The following TNMD variants were observed in gnomAD, a reference collection of about 807,000 sequenced individuals.
The protein encoded by TNMD is tenomodulin, also known as BRICHOS domain containing 4.
Under a neutral mutation model 26.9 loss-of-function variants are expected in TNMD, and 15 were observed. The observed-to-expected ratio is 0.56, with a 90% CI of 0.37 to 0.86. The LOEUF is 0.86. TNMD is among the 40% of genes least tolerant of loss of function. TNMD has a pLI of 0.00. For missense variants in TNMD, 222 were observed against 242.6 expected, an observed-to-expected ratio of 0.92 and a Z score of 0.56; for synonymous variants, 73 against 77.0, an observed-to-expected ratio of 0.95 and a Z score of 0.27.
In TNMD at chrX:100,595,585, G is replaced by A. The variant is rs112331460; in HGVS notation, c.423+1223G>A. ...TTTTTCTTTACCTTTTTCTTTATTTGGGGGCGGTGGGTGGGGAGGACTATT... is the reference window on the plus strand; with the variant it reads ...TTTTTCTTTACCTTTTTCTTTATTTAGGGGCGGTGGGTGGGGAGGACTATT... On this transcript the variant is annotated intron_variant, in intron 4 of 6. Coordinates refer to ENST00000373031, the MANE Select transcript of TNMD (RefSeq NM_022144.3). Among the ~76,000 whole-genome samples, 164 of 109,138 alleles carry A rather than the reference G, an allele frequency of 1.5e-3. 1 individual carries two copies. Among genetic ancestry groups the A allele is most frequent in the African/African-American group, 5.3e-3 (157 of 29,831 alleles). 94.8% of individuals were successfully genotyped at this position (109,138 alleles called of 115,157 possible).
intron 4 of TNMD, 31 bp from the exon 5 acceptor site, chrX:100,597,473 A>G (rs1387680234): frequency 1.7e-6 from 2 of 1,205,914 alleles, no homozygotes; most frequent in Non-Finnish European, 2.2e-6. Context: ...TTCTCTGCCA[A>G]TCCCTACCCT....
At chrX:100,598,966 A>T (rs773139495) in intron 5 of TNMD, 50 bp from the exon 6 acceptor site, 15 of 1,075,711 alleles carry the variant, frequency 1.4e-5, no homozygotes, top group Non-Finnish European at 1.9e-5. Context: ...CACTTCTTTC[A>T]GGAACATTTG....
intron 2 of TNMD, among the ~76,000 whole-genome samples, chrX:100,589,166 T>C (rs1438699727): frequency 9.0e-6 from 1 of 111,097 alleles, no homozygotes; most frequent in African/African-American, 3.3e-5. Context: ...ATTAACTTTT[T>C]TCGCTCCTCT....
intron 2 of TNMD, chrX:100,593,513 T>A: frequency 2.9e-6 from 1 of 340,869 alleles, no homozygotes; most frequent in Non-Finnish European, 3.8e-6. Flanking sequence ...AAAAAACACT[T>A]AACCATTTTA....
chrX:100,589,428 A>G (rs1387437917), intron 2 of TNMD, among the ~76,000 whole-genome samples: 1 of 108,798 alleles, frequency 9.2e-6, no homozygotes, highest in Non-Finnish European at 1.9e-5. Flanking sequence ...ACCCAGGTCC[A>G]CCCTTGTACA....
At position 100,585,265 on chromosome X, in the gene TNMD, C is replaced by T. The variant is rs2082918760; in HGVS notation, c.83C>T (p.Ser28Leu). ...TTTAAATCCAAGAAAATATGTAAAT[C>T]ACTTAAGATTTGTGGACTGGTGTTT... ...EAFKSKKICK[S>L]LKICGLVFGI... is the part of the protein sequence containing the mutation. The change falls in exon 2 of 7, where the codon TCA becomes TTA. Residue 28 changes from serine (S) to leucine (L), a missense_variant. Physicochemically the swap from Ser to Leu is moderately radical, Grantham distance 145. Coordinates refer to ENST00000373031, the MANE Select transcript of TNMD (RefSeq NM_022144.3). 8.3e-7 allele frequency: 1 copy of T among 1,208,046 alleles called. No individual in the cohort carries two copies. The highest frequency in any genetic ancestry group is 1.1e-6 in the Non-Finnish European group (1 of 893,820).
chrX:100,590,109 C>T (rs752990885), intron 2 of TNMD, among the ~76,000 whole-genome samples: 18 of 112,299 alleles, frequency 1.6e-4, no homozygotes, highest in African/African-American at 4.9e-4. Context: ...TCTGTCTGCT[C>T]TGTGTTGGTA....
intron 2 of TNMD, among the ~76,000 whole-genome samples, chrX:100,590,591 C>G (rs1021642794): frequency 3.6e-5 from 4 of 112,120 alleles, no homozygotes; most frequent in Non-Finnish European, 5.6e-5. Flanking sequence ...GTTGTGTCCT[C>G]TACATATTTT....
chrX:100,597,494 C>A lies in TNMD; in HGVS notation c.424-10C>A, dbSNP rs747423279. The stretch of plus-strand genomic sequence containing the variant: ...GCCAATCCCTACCCTAAGCTACTTT[C>A]TTCTTTCAGAATGAAGAAATTACCA... On this transcript the variant is annotated splice_polypyrimidine_tract_variant and intron_variant, in intron 4 of 6. Transcript: ENST00000373031. 6 of 1,209,366 alleles carry A rather than the reference C, an allele frequency of 5.0e-6. No homozygotes were observed. Among genetic ancestry groups the A allele is most frequent in the Non-Finnish European group, 6.7e-6 (6 of 894,784 alleles).
chrX:100,590,984 G>A (rs2082935685), intron 2 of TNMD, among the ~76,000 whole-genome samples: 1 of 111,647 alleles, frequency 9.0e-6, no homozygotes, highest in African/African-American at 3.3e-5. Context: ...ATATCTAAGT[G>A]TGAAATCATG....
At chrX:100,594,214 T>A (rs746090412) in intron 3 of TNMD, 47 bp from the exon 4 acceptor site, 8 of 1,038,001 alleles carry the variant, frequency 7.7e-6, no homozygotes, top group Non-Finnish European at 1.0e-5. Context: ...AACTTACTAA[T>A]AGTGGCTCTT....
chrX:100,585,459 A>G, intron 2 of TNMD, 97 bp downstream of exon 2: 1 of 918,955 alleles, frequency 1.1e-6, no homozygotes. Context: ...AAAATCATTA[A>G]GTCTCTTTTG....
chrX:100,594,891 G>C (rs1420510554), intron 4 of TNMD, among the ~76,000 whole-genome samples: 1 of 111,905 alleles, frequency 8.9e-6, no homozygotes, highest in East Asian at 2.8e-4. Flanking sequence ...TTTAACCTCA[G>C]TAGGAAAGGC....
intron 4 of TNMD, 86 bp from the exon 5 acceptor site, chrX:100,597,418 A>G: frequency 9.4e-7 from 1 of 1,062,012 alleles, no homozygotes; most frequent in Non-Finnish European, 1.3e-6. Flanking sequence ...CACTCAAAAT[A>G]TATTGCTTTC....
At chrX:100,587,702 A>G (rs768935387) in intron 2 of TNMD, among the ~76,000 whole-genome samples, 2 of 112,074 alleles carry the variant, frequency 1.8e-5, no homozygotes, top group South Asian at 7.6e-4. Context: ...AGATCTCAAG[A>G]GACCATCTAT....
At chrX:100,596,451 G>A (rs941465130) in intron 4 of TNMD, among the ~76,000 whole-genome samples, 2 of 111,899 alleles carry the variant, frequency 1.8e-5, no homozygotes, top group Non-Finnish European at 3.8e-5. Flanking sequence ...TTCATTTCAT[G>A]ATAGTAAGAA....
intron 2 of TNMD, among the ~76,000 whole-genome samples, chrX:100,589,332 C>T (rs778380380): frequency 1.0e-5 from 1 of 95,965 alleles, no homozygotes; most frequent in African/African-American, 4.0e-5. Flanking sequence ...GGAGACTGAG[C>T]TTTACCAGAT....
At position 100,594,278 on chromosome X, in the gene TNMD, C is replaced by G; in HGVS notation, c.339C>G (p.Tyr113Ter). Residue 113 changes from tyrosine to a stop codon, truncating the protein, a stop_gained, in exon 4 of 7, where the codon TAC (tyrosine) becomes TAG (stop). Transcript: ENST00000373031. LOFTEE classifies it high-confidence loss of function. The stretch of plus-strand genomic sequence containing the variant: ...TTTTATAGGGATACACTGGCATCTA[C>G]TTCGTGGGTCTTCAAAAATGTTTTA... ...HDFKNGYTGI[Y>*]FVGLQKCFIK... 8.4e-6 allele frequency: 10 copies of G among 1,195,537 alleles called. No individual in the cohort carries two copies. Among genetic ancestry groups the G allele is most frequent in the Non-Finnish European group, 1.1e-5 (10 of 885,299 alleles).
chrX:100,591,557 G>A (rs1329066971), intron 2 of TNMD, among the ~76,000 whole-genome samples: 1 of 111,428 alleles, frequency 9.0e-6, no homozygotes, highest in African/African-American at 3.3e-5. Context: ...TCTCCAAACA[G>A]TCCAAAGTGG....
Sources: allele counts gnomAD v4.1 joint callset (sites outside exome capture counted in the v4.1 genomes callset), GRCh38; gene constraint gnomAD v4.1.1; transcripts MANE v1.5; gene names NCBI Gene and HGNC (gene_info 2026-07-23, HGNC 2026-07-21).